The following FAM118A variants were observed in gnomAD, a reference collection of about 807,000 sequenced individuals.
FAM118A encodes the protein protein FAM118A.
Under a neutral mutation model 38.2 loss-of-function variants are expected in FAM118A, and 25 were observed. That is an observed-to-expected ratio of 0.65 (90% confidence interval 0.48 to 0.91). FAM118A has a LOEUF of 0.91. Among genes scored for constraint, FAM118A ranks in the 40% least tolerant of loss-of-function variants. The pLI, the probability that FAM118A is intolerant of heterozygous loss-of-function variation, is 0.00. For synonymous variants in FAM118A, 178 were observed against 184.1 expected (o/e 0.97, Z 0.27); for missense variants, 425 against 463.3 (o/e 0.92, Z 0.76).
chr22:45,310,634 C>G (rs1210568570), intron 1 of FAM118A, among the ~76,000 whole-genome samples: 1 of 152,162 alleles, frequency 6.6e-6, no homozygotes, highest in Non-Finnish European at 1.5e-5. Flanking sequence ...ACTTGAGGTC[C>G]CTGGACCTGC....
chr22:45,321,890 G>C (rs2084899860), intron 1 of FAM118A: 1 of 180,346 alleles, frequency 5.5e-6, no homozygotes, highest in Non-Finnish European at 1.2e-5. Flanking sequence ...CGATGCTGAG[G>C]ATGGCCATGC....
chr22:45,314,889 ATGT>A (rs1383841235), intron 1 of FAM118A, among the ~76,000 whole-genome samples: 1 of 152,224 alleles, frequency 6.6e-6, no homozygotes, highest in African/African-American at 2.4e-5. Context: ...AGCTGCACTG[ATGT>A]TAGGAAGAAA....
intron 8 of FAM118A, among the ~76,000 whole-genome samples, chr22:45,337,020 C>T (rs577139769): frequency 2.0e-5 from 3 of 152,324 alleles, no homozygotes; most frequent in South Asian, 2.1e-4. Context: ...AGGGCGATCT[C>T]GCTTGTTCGT....
chr22:45,340,797 C>A lies in FAM118A; in HGVS notation c.*392C>A. The A allele has an allele frequency of 4.4e-6, 1 of 228,362 alleles. No individual in the cohort carries two copies. The highest frequency in any genetic ancestry group is 1.1e-4 in the South Asian group (1 of 9,474). 14.1% of individuals were successfully genotyped at this position (228,362 alleles called of 1,614,324 possible). A position where few individuals can be genotyped will look rare whatever the true frequency, so the allele number is the denominator to read the frequency against. ...AACAGTAGCTGCCAAAGAGAAAATACGAAATAGACACTTTTTTTTTTTGAG... is the reference window on the plus strand; with the variant it reads ...AACAGTAGCTGCCAAAGAGAAAATAAGAAATAGACACTTTTTTTTTTTGAG... On this transcript the variant is annotated 3_prime_UTR_variant, in exon 9 of 9. Transcript: ENST00000441876.
At chr22:45,339,140 C>T (rs925200232) in intron 8 of FAM118A, among the ~76,000 whole-genome samples, 23 of 152,218 alleles carry the variant, frequency 1.5e-4, no homozygotes, top group Non-Finnish European at 3.4e-4. Flanking sequence ...CTTAGTGGTT[C>T]ACGCCTATAT....
intron 6 of FAM118A, among the ~76,000 whole-genome samples, chr22:45,332,975 TCAGGTGAC>T (rs950320131): frequency 6.6e-6 from 1 of 152,062 alleles, no homozygotes; most frequent in African/African-American, 2.4e-5. Flanking sequence ...ACTCCTGACC[TCAGGTGAC>T]CCACCTGCCT....
In FAM118A at chr22:45,328,016, C is replaced by A. The variant is rs367677553; in HGVS notation, c.475C>A (p.Arg159=). 5 of 1,608,282 alleles carry A rather than the reference C, an allele frequency of 3.1e-6. No homozygotes were observed. Among genetic ancestry groups the A allele is most frequent in the South Asian group, 2.2e-5 (2 of 90,542 alleles). ...YDNLLEAFGR[R]QNKPMESLDL... Reference sequence around the variant, plus strand: ...CAACCTGCTGGAGGCCTTTGGCCGGCGGCAGAACAAGCCCATGGAGTCCCT... The same window carrying A: ...CAACCTGCTGGAGGCCTTTGGCCGGAGGCAGAACAAGCCCATGGAGTCCCT... Residue 159 remains arginine, a synonymous_variant, in exon 4 of 9, where the codon CGG becomes AGG. Transcript: ENST00000441876.
intron 1 of FAM118A, among the ~76,000 whole-genome samples, chr22:45,312,340 G>A (rs1431744038): frequency 1.3e-5 from 2 of 152,156 alleles, no homozygotes; most frequent in East Asian, 3.9e-4. Flanking sequence ...ACTTCTGATC[G>A]ATCAGCTTCA....
intron 8 of FAM118A, among the ~76,000 whole-genome samples, chr22:45,339,967 T>C (rs1228067213): frequency 6.6e-6 from 1 of 152,240 alleles, no homozygotes; most frequent in East Asian, 1.9e-4. Flanking sequence ...TCCTGGCCTC[T>C]GTTGTACAGA....
intron 6 of FAM118A, among the ~76,000 whole-genome samples, chr22:45,334,012 A>G (rs570157976): frequency 1.3e-5 from 2 of 152,346 alleles, no homozygotes; most frequent in Admixed American, 6.5e-5. Flanking sequence ...TCTGTGTCCT[A>G]TTACTGCAGT....
rs1375166477 is a variant in FAM118A at position 45,336,326 on chromosome 22, A to G, written c.971-2A>G. 6.2e-7 allele frequency: 1 copy of G among 1,610,804 alleles called. No individual in the cohort carries two copies. The highest frequency in any genetic ancestry group is 1.7e-5 in the Admixed American group (1 of 59,820). ...GCTTCTTAATAAATTCTTCTCTTTT[A>G]GGTAATGCATGCCAGGACTGTGCAA... On this transcript the variant is annotated splice_acceptor_variant, in intron 7 of 8. Transcript: ENST00000441876. LOFTEE classifies it high-confidence loss of function.
intron 4 of FAM118A, chr22:45,328,453 C>G (rs540911330): frequency 1.1e-6 from 1 of 917,304 alleles, no homozygotes; most frequent in Non-Finnish European, 1.9e-6. Context: ...GGGAGCTGCT[C>G]TCACTTTGTA....
At position 45,337,439 on chromosome 22, in the gene FAM118A, A is replaced by C. The variant is rs77414124; in HGVS notation, c.1054+1028A>C. ...GCTTGTTCTTATATTCCATTCTCCC[A>C]TTTTTTATTGTTTAATATTGGGGCT... On this transcript the variant is annotated intron_variant, in intron 8 of 8. Transcript: ENST00000441876. 9.4e-3 allele frequency among the ~76,000 whole-genome samples: 1,435 copies of C among 151,886 alleles called. 26 individuals are homozygous for C. Among genetic ancestry groups the C allele is most frequent in the African/African-American group, 0.033 (1,360 of 41,436 alleles).
In FAM118A at chr22:45,324,380, C is replaced by G. The variant is rs574061914; in HGVS notation, c.300+953C>G. On this transcript the variant is annotated intron_variant, in intron 3 of 8. Coordinates refer to ENST00000441876, the MANE Select transcript of FAM118A (RefSeq NM_017911.4). ...GGCAGCTGTAAATGATGTGCGTGCGCGGGGAGTGCGTGGAGGAGGGAAGTG... is the reference window on the plus strand; with the variant it reads ...GGCAGCTGTAAATGATGTGCGTGCGGGGGGAGTGCGTGGAGGAGGGAAGTG... Among the ~76,000 whole-genome samples, 514 of 152,024 alleles carry G rather than the reference C, an allele frequency of 3.4e-3. 6 individuals are homozygous for G. Among genetic ancestry groups the G allele is most frequent in the Middle Eastern group, 6.8e-3 (2 of 294 alleles).
At chr22:45,333,674 CAAAAAA>C (rs541613789) in intron 6 of FAM118A, among the ~76,000 whole-genome samples, 1 of 93,580 alleles carries the variant, frequency 1.1e-5, no homozygotes, top group Non-Finnish European at 2.4e-5. Flanking sequence ...ACTCTGTTTC[CAAAAAA>C]AAAAAAAAAA....
At chr22:45,338,856 C>T (rs1420371119) in intron 8 of FAM118A, among the ~76,000 whole-genome samples, 2 of 152,216 alleles carry the variant, frequency 1.3e-5, no homozygotes, top group African/African-American at 4.8e-5. Flanking sequence ...TTCAACACCA[C>T]AGGGACCATG....
intron 6 of FAM118A, among the ~76,000 whole-genome samples, chr22:45,332,955 C>G (rs2085829914): frequency 6.6e-6 from 1 of 152,006 alleles, no homozygotes; most frequent in Non-Finnish European, 1.5e-5. Flanking sequence ...GTTGGTCAGG[C>G]TGGTCTCGAA....
intron 1 of FAM118A, among the ~76,000 whole-genome samples, chr22:45,313,998 T>C (rs939065246): frequency 6.6e-6 from 1 of 152,194 alleles, no homozygotes; most frequent in Non-Finnish European, 1.5e-5. Flanking sequence ...AGGTATAAGA[T>C]ATTCTTTCCT....
intron 1 of FAM118A, among the ~76,000 whole-genome samples, chr22:45,312,534 C>T (rs959847424): frequency 6.6e-6 from 1 of 152,108 alleles, no homozygotes; most frequent in Non-Finnish European, 1.5e-5. Context: ...ATTAGCTGGG[C>T]ATGGTGGTGT....
Sources: allele counts gnomAD v4.1 joint callset (sites outside exome capture counted in the v4.1 genomes callset), GRCh38; gene constraint gnomAD v4.1.1; transcripts MANE v1.5; gene names NCBI Gene and HGNC (gene_info 2026-07-23, HGNC 2026-07-21).